Variants in CCNB3 observed in about 807,000 individuals in gnomAD.
CCNB3 encodes the protein cyclin B3, also known as G2/mitotic-specific cyclin-B3.
CCNB3 carries 12 observed loss-of-function variants against 68.0 expected under a neutral mutation model. The ratio of observed to expected loss-of-function variants is 0.18; its 90% confidence interval spans 0.11 to 0.29. The LOEUF is 0.29. CCNB3 is among the 10% of genes least tolerant of loss of function. The probability of loss-of-function intolerance (pLI) is 1.00; values close to 1 mark genes in which losing one functional copy is unlikely to be tolerated. For missense variants in CCNB3, 904 were observed against 993.1 expected (o/e 0.91, Z 1.21); for synonymous variants, 354 against 388.9 (o/e 0.91, Z 1.06).
chrX:50,218,493 C>T (rs1443305950), intron 1 of CCNB3, among the ~76,000 whole-genome samples: 1 of 111,349 alleles, frequency 9.0e-6, no homozygotes, highest in Non-Finnish European at 1.9e-5. Context: ...CATGTGTTCT[C>T]ATTTTTCAAC....
chrX:50,228,463 G>C (rs2147003392), intron 1 of CCNB3, among the ~76,000 whole-genome samples: 1 of 90,404 alleles, frequency 1.1e-5, no homozygotes, highest in East Asian at 3.2e-4. Flanking sequence ...TATATATAGA[G>C]GATATATCTA....
At chrX:50,209,419 G>A (rs1238758183) in intron 1 of CCNB3, among the ~76,000 whole-genome samples, 4 of 110,532 alleles carry the variant, frequency 3.6e-5, no homozygotes, top group African/African-American at 9.9e-5. Context: ...GCAGTGGCGC[G>A]ATCTCAGCTC....
In CCNB3 at chrX:50,215,483, T is replaced by C. The variant is rs1255105517; in HGVS notation, c.-113+10533T>C. On this transcript the variant is annotated intron_variant, in intron 1 of 12. Transcript: ENST00000376042. ...TTTTTTTTTTTTTGCGGGGGGATCG[T>C]GTTCTATAAATGTCAATTAGATTCT... 5.3e-4 allele frequency among the ~76,000 whole-genome samples: 57 copies of C among 108,544 alleles called. 1 individual carries two copies. Among genetic ancestry groups the C allele is most frequent in the African/African-American group, 1.9e-3 (56 of 29,745 alleles). The allele number at this position is 108,544 out of a possible 115,157, so 94.3% of individuals were successfully genotyped here. A position where few individuals can be genotyped will look rare whatever the true frequency, so the allele number is the denominator to read the frequency against.
At chrX:50,336,541 A>G (rs201043332) in intron 8 of CCNB3, among the ~76,000 whole-genome samples, 1 of 112,341 alleles carries the variant, frequency 8.9e-6, no homozygotes, top group Non-Finnish European at 1.9e-5. Flanking sequence ...CTAAGGCCAT[A>G]TTAATCATTC....
intron 9 of CCNB3, among the ~76,000 whole-genome samples, chrX:50,343,358 C>T (rs1008782070): frequency 9.0e-6 from 1 of 111,290 alleles, no homozygotes; most frequent in Admixed American, 9.6e-5. Context: ...CCCATTAACT[C>T]GTCATTTAGC....
chrX:50,228,775 CAT>C (rs1461518350), intron 1 of CCNB3, among the ~76,000 whole-genome samples: 3 of 43,353 alleles, frequency 6.9e-5, no homozygotes, highest in African/African-American at 2.8e-4. Flanking sequence ...ATATAGAATA[CAT>C]ATATAGAATA....
chrX:50,334,443 C>A (rs1922747790), intron 8 of CCNB3, among the ~76,000 whole-genome samples: 1 of 112,492 alleles, frequency 8.9e-6, no homozygotes, highest in African/African-American at 3.2e-5. Flanking sequence ...TCAAAGTTAC[C>A]ACAGCATGGG....
chrX:50,337,415 C>T (rs1337855420), intron 8 of CCNB3, among the ~76,000 whole-genome samples: 1 of 110,920 alleles, frequency 9.0e-6, no homozygotes, highest in African/African-American at 3.3e-5. Flanking sequence ...AGTACTGCTG[C>T]TGCCTGTCCT....
At chrX:50,218,475 A>C (rs1183412996) in intron 1 of CCNB3, among the ~76,000 whole-genome samples, 3 of 109,961 alleles carry the variant, frequency 2.7e-5, no homozygotes, top group Non-Finnish European at 5.7e-5. Context: ...TGTTCCCCTC[A>C]CTGTGTCCAT....
intron 5 of CCNB3, among the ~76,000 whole-genome samples, chrX:50,302,519 G>C (rs1936670532): frequency 9.0e-6 from 1 of 111,419 alleles, no homozygotes; most frequent in Non-Finnish European, 1.9e-5. Flanking sequence ...ACAATTCAAT[G>C]GTATTTAGTA....
At position 50,311,368 on chromosome X, in the gene CCNB3, A is replaced by G. The variant is rs782025475; in HGVS notation, c.3199A>G (p.Ile1067Val). The G allele has an allele frequency of 1.7e-6, 2 of 1,211,179 alleles. No homozygotes were observed. The highest frequency in any genetic ancestry group is 4.4e-5 in the Admixed American group (2 of 45,960). Residue 1067 changes from isoleucine (I) to valine (V), a missense_variant, in exon 6 of 13, where the codon ATA becomes GTA. Around this residue, in one of 2 missense-constraint regions of CCNB3, gnomAD observed 285 missense variants for 383.4 expected, o/e 0.74. Transcript: ENST00000376042. ...TGTGTTTAGCACCACCCCTGAATCC[A>G]TAACAGAGAAGTCCAGCATTGCAAC... ...PYVFSTTPES[I>V]TEKSSIATMT...
At position 50,280,067 on chromosome X, in the gene CCNB3, T is replaced by G. The variant is rs1291214886; in HGVS notation, c.-112-4475T>G. Among the ~76,000 whole-genome samples the G allele has an allele frequency of 3.4e-5, 3 of 87,260 alleles. No homozygotes were observed. In the Admixed American group the frequency reaches 4.5e-4, roughly 13 times the overall value. 75.8% of individuals were successfully genotyped at this position (87,260 alleles called of 115,157 possible). The stretch of plus-strand genomic sequence containing the variant: ...AGAATATATATAAATATATATGGAA[T>G]ATATAAATATATATATGGAATACAT... On this transcript the variant is annotated intron_variant, in intron 1 of 12. Coordinates refer to ENST00000376042, the MANE Select transcript of CCNB3 (RefSeq NM_033031.3).
intron 8 of CCNB3, among the ~76,000 whole-genome samples, chrX:50,341,145 C>T (rs187588927): frequency 1.8e-4 from 20 of 109,417 alleles, no homozygotes; most frequent in African/African-American, 4.6e-4. Flanking sequence ...CTGGTTAACA[C>T]GATGAAACCC....
In CCNB3 at chrX:50,309,185, C is replaced by G; in HGVS notation, c.1016C>G (p.Thr339Ser). The G allele has an allele frequency of 2.5e-6, 3 of 1,210,122 alleles. No individual in the cohort carries two copies. The African/African-American group carries it at 5.2e-5, about 21-fold the overall frequency. Residue 339 changes from threonine to serine, a missense_variant, in exon 6 of 13, where the codon ACT becomes AGT. Thr to Ser is a moderately conservative substitution (Grantham distance 58, BLOSUM62 1). This residue lies in a region of CCNB3 where 619 missense variants were observed against 609.8 expected (regional missense o/e 1.02). Coordinates refer to ENST00000376042, the MANE Select transcript of CCNB3 (RefSeq NM_033031.3). ...ELSVLQEKHT[T>S]EHEMSILKKS... ...TCTGTATTGCAAGAGAAACACACCA[C>G]TGAGCATGAGATGTCCATCTTGAAG...
At chrX:50,335,049 C>A (rs1170338148) in intron 8 of CCNB3, among the ~76,000 whole-genome samples, 1 of 111,909 alleles carries the variant, frequency 8.9e-6, no homozygotes, top group African/African-American at 3.2e-5. Context: ...GCAGGGCATC[C>A]GTCCCTTTTG....
chrX:50,226,067 C>CGAATATATATA (rs1935757025), intron 1 of CCNB3, among the ~76,000 whole-genome samples: 2 of 68,063 alleles, frequency 2.9e-5, no homozygotes, highest in Non-Finnish European at 5.4e-5. Context: ...AGAATATATA[C>CGAATATATATA]GAATATATAT....
intron 1 of CCNB3, among the ~76,000 whole-genome samples, chrX:50,220,303 T>C (rs985312275): frequency 2.7e-5 from 3 of 111,789 alleles, no homozygotes; most frequent in African/African-American, 9.8e-5. Flanking sequence ...TCCAATACTA[T>C]GCTGAATAGG....
Position 50,311,247 on chromosome X carries a change from C to T in CCNB3, c.3078C>T (p.Ser1026=). The change falls in exon 6 of 13, where the codon TCC becomes TCT. Residue 1026 remains serine (S), a synonymous_variant. Transcript: ENST00000376042. ...NEKPTTGKEL[S]FKEPLALQES... is the part of the protein sequence containing the mutation. ...AACCCACCACTGGGAAGGAGTTGTC[C>T]TTCAAGGAGCCATTGGCCTTACAAG... The T allele has an allele frequency of 1.7e-6, 2 of 1,210,674 alleles. No homozygotes were observed. Among genetic ancestry groups the T allele is most frequent in the South Asian group, 3.5e-5 (2 of 56,893 alleles).
rs147712690 is a variant in CCNB3 at position 50,308,787 on chromosome X, T to C, written c.618T>C (p.Phe206=). 8.3e-7 allele frequency: 1 copy of C among 1,211,547 alleles called. No homozygotes were observed. Among genetic ancestry groups the C allele is most frequent in the African/African-American group, 1.7e-5 (1 of 57,736 alleles). ...AGGAGAGTGACAGTGATGATGCGTTTGTTATAGAGCCAATGACTTTTAAGA... is the reference window on the plus strand; with the variant it reads ...AGGAGAGTGACAGTGATGATGCGTTCGTTATAGAGCCAATGACTTTTAAGA... The part of the protein sequence containing the change: ...LQEESDSDDA[F]VIEPMTFKKT... The change falls in exon 6 of 13, where the codon TTT becomes TTC. Residue 206 remains phenylalanine (F), a synonymous_variant. Coordinates refer to ENST00000376042, the MANE Select transcript of CCNB3 (RefSeq NM_033031.3).
Sources: gnomAD v4.1 joint callset for allele counts (sites outside exome capture counted in the v4.1 genomes callset) on GRCh38, gnomAD v4.1.1 for gene constraint, gnomAD v4.1.1 regional missense constraint, MANE v1.5 for transcripts, NCBI Gene and HGNC (gene_info 2026-07-23, HGNC 2026-07-21) for gene names.